OPHN1: variants seen among roughly 807,000 people sequenced by gnomAD.
OPHN1 encodes the protein oligophrenin-1.
In OPHN1, 11 loss-of-function variants were observed where a neutral mutation model predicts 60.7. The ratio of observed to expected loss-of-function variants is 0.18; its 90% confidence interval spans 0.11 to 0.30. The LOEUF (loss-of-function observed/expected upper bound fraction) is 0.30, where lower values mean the gene tolerates loss of function less well. Among genes scored for constraint, OPHN1 ranks in the 10% least tolerant of loss-of-function variants. OPHN1 has a pLI of 1.00. For missense variants in OPHN1, 449 were observed against 611.0 expected, an observed-to-expected ratio of 0.73 and a Z score of 2.80; for synonymous variants, 226 against 222.6, an observed-to-expected ratio of 1.02 and a Z score of -0.14.
intron 2 of OPHN1, among the ~76,000 whole-genome samples, chrX:68,422,847 A>C (rs910008520): frequency 3.6e-5 from 4 of 109,866 alleles, no homozygotes; most frequent in Non-Finnish European, 7.6e-5. Context: ...GGAAAGGAAA[A>C]GAGAAAAGAA....
At chrX:68,282,236 T>G (rs960483751) in intron 4 of OPHN1, among the ~76,000 whole-genome samples, 1 of 111,961 alleles carries the variant, frequency 8.9e-6, no homozygotes, top group African/African-American at 3.2e-5. Flanking sequence ...TACTTAATGA[T>G]AAAAATAAAT....
At position 68,112,251 on chromosome X, in the gene OPHN1, GA is replaced by G. The variant is rs1156864206; in HGVS notation, c.1421-293del. ...AAGAAAGAAAAAAGGCAGAAAAAGA[GA>G]AAAAAAACACACACAAAGAAACAGG... On this transcript the variant is annotated intron_variant, in intron 17 of 24. Coordinates refer to ENST00000355520, the MANE Select transcript of OPHN1 (RefSeq NM_002547.3). The G allele has an allele frequency of 1.9e-5, 4 of 213,945 alleles. 1 individual carries two copies. The highest frequency in any genetic ancestry group is 2.5e-5 in the Non-Finnish European group (3 of 120,429). The allele number at this position is 213,945 out of a possible 1,213,427, so 17.6% of individuals were successfully genotyped here.
At chrX:68,395,510 C>T (rs957833344) in intron 2 of OPHN1, among the ~76,000 whole-genome samples, 48 of 106,580 alleles carry the variant, frequency 4.5e-4, no homozygotes, top group Non-Finnish European at 7.4e-4. Flanking sequence ...TGCAATGGCA[C>T]GATCTCGGCT....
chrX:68,083,727 T>A (rs1344090842), intron 19 of OPHN1, among the ~76,000 whole-genome samples: 1 of 112,317 alleles, frequency 8.9e-6, no homozygotes, highest in African/African-American at 3.2e-5. Context: ...TGAGTTAACA[T>A]GAGAGACATG....
intron 2 of OPHN1, among the ~76,000 whole-genome samples, chrX:68,327,023 G>A (rs1291064324): frequency 1.9e-5 from 1 of 51,798 alleles, no homozygotes; most frequent in Non-Finnish European, 2.9e-5. Flanking sequence ...CCGTCCGGGA[G>A]GGAGGTGGGG....
intron 5 of OPHN1, among the ~76,000 whole-genome samples, chrX:68,266,672 G>T (rs370715955): frequency 6.3e-5 from 7 of 111,239 alleles, no homozygotes; most frequent in African/African-American, 2.3e-4. Context: ...AAATTTACAC[G>T]TAACAATATT....
intron 15 of OPHN1, among the ~76,000 whole-genome samples, chrX:68,186,818 T>C (rs2147446272): frequency 9.0e-6 from 1 of 111,297 alleles, no homozygotes; most frequent in East Asian, 2.8e-4. Flanking sequence ...CACCTTCTTA[T>C]AAGGGTATTT....
At chrX:68,380,575 A>C (rs1002492102) in intron 2 of OPHN1, among the ~76,000 whole-genome samples, 5 of 111,406 alleles carry the variant, frequency 4.5e-5, no homozygotes, top group African/African-American at 6.5e-5. Context: ...TTAGTGCTAT[A>C]AATTTCCCTC....
intron 15 of OPHN1, among the ~76,000 whole-genome samples, chrX:68,147,517 A>T (rs996094737): frequency 2.7e-5 from 3 of 112,117 alleles, no homozygotes; most frequent in African/African-American, 9.7e-5. Flanking sequence ...TACAAGATGA[A>T]CAGGAGATGA....
At chrX:68,078,712 G>A (rs1036087842) in intron 19 of OPHN1, among the ~76,000 whole-genome samples, 1 of 110,976 alleles carries the variant, frequency 9.0e-6, no homozygotes, top group Non-Finnish European at 1.9e-5. Flanking sequence ...TCAGCTGGGC[G>A]CGGTGGCTCA....
chrX:68,350,466 T>TCCCTCCCTTACTC (rs2078403012), intron 2 of OPHN1, among the ~76,000 whole-genome samples: 1 of 68,624 alleles, frequency 1.5e-5, no homozygotes, highest in Non-Finnish European at 2.5e-5. Context: ...CTTCCTTCCT[T>TCCCTCCCTTACTC]CCTTCCTCCC....
intron 15 of OPHN1, among the ~76,000 whole-genome samples, chrX:68,165,029 A>G (rs186338133): frequency 7.1e-4 from 79 of 111,866 alleles, no homozygotes; most frequent in African/African-American, 2.4e-3. Flanking sequence ...CTGAAGCTTC[A>G]AAGAATTGAA....
chrX:68,233,929 A>C (rs2147523144), intron 6 of OPHN1, among the ~76,000 whole-genome samples: 1 of 110,379 alleles, frequency 9.1e-6, no homozygotes, highest in African/African-American at 3.3e-5. Context: ...AAGCTGCAGA[A>C]GGGCAGGAAT....
At chrX:68,425,091 C>T (rs748482159) in intron 2 of OPHN1, among the ~76,000 whole-genome samples, 1 of 111,684 alleles carries the variant, frequency 9.0e-6, no homozygotes, top group Non-Finnish European at 1.9e-5. Context: ...TATTATATCA[C>T]CAACTCCTCC....
chrX:68,048,174 G>A (rs892898452), intron 24 of OPHN1, among the ~76,000 whole-genome samples: 6 of 111,847 alleles, frequency 5.4e-5, no homozygotes, highest in Non-Finnish European at 7.5e-5. Context: ...CTGTAAAAGC[G>A]TGCCATAGTT....
At chrX:68,239,881 C>T (rs1194634757) in intron 5 of OPHN1, among the ~76,000 whole-genome samples, 1 of 108,652 alleles carries the variant, frequency 9.2e-6, no homozygotes, top group Non-Finnish European at 1.9e-5. Context: ...GCAATCTCGG[C>T]TCACTGCAAC....
intron 2 of OPHN1, among the ~76,000 whole-genome samples, chrX:68,331,379 A>G (rs1024942779): frequency 5.5e-5 from 6 of 109,464 alleles, no homozygotes; most frequent in African/African-American, 2.0e-4. Context: ...AGAAAGTAAT[A>G]AGGACTGGGG....
At chrX:68,416,063 T>G (rs1451791907) in intron 2 of OPHN1, among the ~76,000 whole-genome samples, 156 of 6,154 alleles carry the variant, frequency 0.025, no homozygotes, top group East Asian at 0.18. Context: ...TATATATATA[T>G]ATATAGAGAG....
At chrX:68,378,185 T>A (rs1411094432) in intron 2 of OPHN1, among the ~76,000 whole-genome samples, 106 of 112,674 alleles carry the variant, frequency 9.4e-4, no homozygotes, top group Non-Finnish European at 1.8e-3. Context: ...CGGCCAGTGA[T>A]GATGAGCATT....
Sources: allele counts gnomAD v4.1 joint callset (sites outside exome capture counted in the v4.1 genomes callset), GRCh38; gene constraint gnomAD v4.1.1; transcripts MANE v1.5; gene names NCBI Gene and HGNC (gene_info 2026-07-23, HGNC 2026-07-21).